The following CACNB4 variants were observed in gnomAD, a reference collection of about 807,000 sequenced individuals.
CACNB4 encodes the protein voltage-dependent L-type calcium channel subunit beta-4.
Under a neutral mutation model 71.2 loss-of-function variants are expected in CACNB4, and 32 were observed. That is an observed-to-expected ratio of 0.45 (90% CI 0.34 to 0.60). CACNB4 has a LOEUF of 0.60. Ranked by LOEUF, CACNB4 falls within the 20% of genes least tolerant of loss-of-function variation. The pLI, the probability that CACNB4 is intolerant of heterozygous loss-of-function variation, is 0.01. For synonymous variants in CACNB4, 231 were observed against 236.9 expected (o/e 0.97, Z 0.23); for missense variants, 464 against 647.9 (o/e 0.72, Z 3.08).
intron 2 of CACNB4, among the ~76,000 whole-genome samples, chr2:151,916,047 C>A (rs1421562062): frequency 7.8e-6 from 1 of 128,522 alleles, no homozygotes; most frequent in Non-Finnish European, 1.8e-5. Flanking sequence ...CTACACTGTT[C>A]TTCCTTCTCT....
At chr2:152,056,038 G>T (rs114998328) in intron 2 of CACNB4, among the ~76,000 whole-genome samples, 2,596 of 152,196 alleles carry the variant, frequency 0.017, 71 homozygotes, top group African/African-American at 0.058. Context: ...ATACCAATTG[G>T]TTCATCAATA....
intron 2 of CACNB4, among the ~76,000 whole-genome samples, chr2:152,044,610 G>T (rs945030500): frequency 6.6e-6 from 1 of 152,180 alleles, no homozygotes; most frequent in Non-Finnish European, 1.5e-5. Context: ...AATTTATCAA[G>T]CACATCCTAA....
chr2:151,943,049 A>G (rs144417244), intron 2 of CACNB4, among the ~76,000 whole-genome samples: 5 of 152,152 alleles, frequency 3.3e-5, no homozygotes, highest in African/African-American at 1.2e-4. Flanking sequence ...TGCCCTTTGA[A>G]GCATGAGATC....
At chr2:151,953,273 G>A (rs1007148327) in intron 2 of CACNB4, among the ~76,000 whole-genome samples, 1 of 151,982 alleles carries the variant, frequency 6.6e-6, no homozygotes, top group African/African-American at 2.4e-5. Context: ...CTGCTGGTGT[G>A]GGTCCCACGG....
rs528151148 is a variant in CACNB4 at position 152,070,929 on chromosome 2, G to A, written c.147+27401C>T. Among the ~76,000 whole-genome samples the A allele has an allele frequency of 1.2e-4, 19 of 152,146 alleles. No individual in the cohort carries two copies. In the East Asian group the frequency reaches 2.1e-3, roughly 17 times the overall value. On this transcript the variant is annotated intron_variant, in intron 2 of 13. Transcript: ENST00000539935. ...ACTACAGGCACACACCATCACACCC[G>A]GCTAATTTTTGTATTTTTGTAGAAA...
chr2:152,076,184 C>A (rs1687004345), intron 2 of CACNB4, among the ~76,000 whole-genome samples: 1 of 143,972 alleles, frequency 6.9e-6, no homozygotes, highest in Admixed American at 7.0e-5. Context: ...GCTCTGTCAC[C>A]CAGGCTGGAG....
chr2:152,017,357 T>C lies in CACNB4; in HGVS notation c.147+80973A>G, dbSNP rs185726676. On this transcript the variant is annotated intron_variant, in intron 2 of 13. Transcript: ENST00000539935. ...AACTCAGCTAATGAGTCATTGCAGA[T>C]AGATAAATCAACTTCACTGATCCAG... Among the ~76,000 whole-genome samples the C allele has an allele frequency of 6.7e-5, 10 of 149,892 alleles. No homozygotes were observed. In the East Asian group the frequency reaches 9.7e-4, roughly 14 times the overall value.
intron 2 of CACNB4, among the ~76,000 whole-genome samples, chr2:151,907,972 G>A (rs564626023): frequency 6.6e-6 from 1 of 152,224 alleles, no homozygotes; most frequent in African/African-American, 2.4e-5. Context: ...TGTTTCAAAA[G>A]GGTCACAGGA....
chr2:151,889,635 T>C (rs1028756982), intron 2 of CACNB4, among the ~76,000 whole-genome samples: 10 of 152,338 alleles, frequency 6.6e-5, no homozygotes, highest in Non-Finnish European at 1.2e-4. Flanking sequence ...TCTTGGTGAC[T>C]TTCCCAGATT....
intron 2 of CACNB4, chr2:152,048,675 C>T (rs1176257219): frequency 6.6e-6 from 1 of 152,330 alleles, no homozygotes; most frequent in Non-Finnish European, 1.5e-5. Context: ...AGGACCTGGC[C>T]TGCACCCATG....
At chr2:151,969,065 C>T (rs1016861827) in intron 2 of CACNB4, 5 of 152,170 alleles carry the variant, frequency 3.3e-5, no homozygotes, top group African/African-American at 9.7e-5. Context: ...CTTAACACAC[C>T]CCTAGCCAAA....
intron 2 of CACNB4, among the ~76,000 whole-genome samples, chr2:151,979,264 G>A (rs1411967461): frequency 1.3e-5 from 2 of 152,138 alleles, no homozygotes; most frequent in Non-Finnish European, 2.9e-5. Flanking sequence ...CAGAGGAAAA[G>A]TGAATATATG....
At chr2:151,993,001 A>G (rs1257963624) in intron 2 of CACNB4, among the ~76,000 whole-genome samples, 1 of 152,166 alleles carries the variant, frequency 6.6e-6, no homozygotes, top group Non-Finnish European at 1.5e-5. Context: ...TCTGGTAATT[A>G]TTGTCTTCCT....
At position 151,839,045 on chromosome 2, in the gene CACNB4, G is replaced by GT; in HGVS notation, c.*73dup. The GT allele has an allele frequency of 7.3e-7, 1 of 1,360,896 alleles. No homozygotes were observed. Among genetic ancestry groups the GT allele is most frequent in the Non-Finnish European group, 1.0e-6 (1 of 981,842 alleles). The allele number at this position is 1,360,896 out of a possible 1,614,324, so 84.3% of individuals were successfully genotyped here. A position where few individuals can be genotyped will look rare whatever the true frequency, so the allele number is the denominator to read the frequency against. ...GTAAATACTGTGCTATGTTAGCCAA[G>GT]TTAAGATGATTGGTTTATCCTAGCA... On this transcript the variant is annotated 3_prime_UTR_variant, in exon 14 of 14. Transcript: ENST00000539935.
At chr2:151,914,267 T>C (rs1236181573) in intron 2 of CACNB4, among the ~76,000 whole-genome samples, 2 of 152,184 alleles carry the variant, frequency 1.3e-5, no homozygotes, top group Admixed American at 6.5e-5. Flanking sequence ...GATTCAGCTA[T>C]TGATACTTGT....
chr2:151,967,652 AG>A (rs2099871513), intron 2 of CACNB4: 1 of 147,116 alleles, frequency 6.8e-6, no homozygotes, highest in South Asian at 2.2e-4. Flanking sequence ...GGCATAAGAA[AG>A]GCAAAATAAG....
chr2:152,046,855 T>A (rs192889542), intron 2 of CACNB4, among the ~76,000 whole-genome samples: 51 of 152,320 alleles, frequency 3.3e-4, no homozygotes, highest in African/African-American at 1.2e-3. Context: ...CTCCAGGCGC[T>A]ACCACCCAGT....
At chr2:151,846,429 T>C (rs1261706627) in intron 12 of CACNB4, among the ~76,000 whole-genome samples, 1 of 152,228 alleles carries the variant, frequency 6.6e-6, no homozygotes, top group Non-Finnish European at 1.5e-5. Context: ...TCATTAAAAC[T>C]AATGCATATT....
chr2:151,918,653 A>G (rs1442724768), intron 2 of CACNB4, among the ~76,000 whole-genome samples: 1 of 152,238 alleles, frequency 6.6e-6, no homozygotes, highest in Non-Finnish European at 1.5e-5. Flanking sequence ...GTGCATACAG[A>G]TATCCATGCC....
Sources: gnomAD v4.1 joint callset for allele counts (sites outside exome capture counted in the v4.1 genomes callset) on GRCh38, gnomAD v4.1.1 for gene constraint, MANE v1.5 for transcripts, NCBI Gene and HGNC (gene_info 2026-07-23, HGNC 2026-07-21) for gene names.